Variants in RPS6KC1 observed in about 807,000 individuals in gnomAD.
RPS6KC1 encodes the protein inactive ribosomal protein S6 kinase delta-1.
A neutral mutation model predicts 103.8 loss-of-function variants in RPS6KC1; 54 were observed. The ratio of observed to expected loss-of-function variants is 0.52; its 90% confidence interval spans 0.42 to 0.65. The LOEUF (loss-of-function observed/expected upper bound fraction) is 0.65, where lower values mean the gene tolerates loss of function less well. Ranked by LOEUF, RPS6KC1 falls within the 30% of genes least tolerant of loss-of-function variation. The pLI, the probability that RPS6KC1 is intolerant of heterozygous loss-of-function variation, is 0.00. For synonymous variants in RPS6KC1, 439 were observed against 438.7 expected, an observed-to-expected ratio of 1.00 and a Z score of -0.01; for missense variants, 1,151 against 1,253.8, an observed-to-expected ratio of 0.92 and a Z score of 1.24.
At chr1:213,628,303 C>A in the RPS6KC1 span, among the ~76,000 whole-genome samples, 2 of 151,706 alleles carry the variant, frequency 1.3e-5, no homozygotes, top group East Asian at 3.9e-4. Context: ...CTATTTAATT[C>A]TTCTCTCTTT....
In RPS6KC1 at chr1:213,241,294, G is replaced by A. The variant is rs753036532; in HGVS notation, c.1818G>A (p.Lys606=). Residue 606 remains lysine (K), a synonymous_variant, in exon 11 of 15, where the codon AAG becomes AAA. Transcript: ENST00000366960. ...TGGAATTCTTTAGGATAGACAGTAA[G>A]GATAGCGCAAGTGAACTCCTGGGAC... The part of the protein sequence containing the change: ...SPMEFFRIDS[K]DSASELLGLD... 1.6e-5 allele frequency: 26 copies of A among 1,613,810 alleles called. No individual in the cohort carries two copies. Among genetic ancestry groups the A allele is most frequent in the Non-Finnish European group, 2.1e-5 (25 of 1,179,934 alleles).
chr1:213,382,128 G>A, the RPS6KC1 span, among the ~76,000 whole-genome samples: 1 of 152,148 alleles, frequency 6.6e-6, no homozygotes, highest in Non-Finnish European at 1.5e-5. Flanking sequence ...CCAGCTCCAA[G>A]CCCTGCCAGT....
At chr1:213,283,546 G>A in the RPS6KC1 span, among the ~76,000 whole-genome samples, 1 of 152,198 alleles carries the variant, frequency 6.6e-6, no homozygotes, top group South Asian at 2.1e-4. Flanking sequence ...TGTTCACTGG[G>A]AAGCTCAGTG....
chr1:213,176,049 A>T (rs922341971), intron 7 of RPS6KC1, among the ~76,000 whole-genome samples: 2 of 152,104 alleles, frequency 1.3e-5, no homozygotes, highest in African/African-American at 4.8e-5. Context: ...TAAGACTGGG[A>T]TTGATTGTTG....
chr1:213,679,078 G>C, the RPS6KC1 span, among the ~76,000 whole-genome samples: 1 of 152,286 alleles, frequency 6.6e-6, no homozygotes, highest in Non-Finnish European at 1.5e-5. Context: ...CTCTGGCCCT[G>C]GTCAGTTCAA....
chr1:213,784,975 T>TAA, the RPS6KC1 span, among the ~76,000 whole-genome samples: 1 of 151,000 alleles, frequency 6.6e-6, no homozygotes, highest in African/African-American at 2.4e-5. Flanking sequence ...TTTTCAGAAG[T>TAA]AAAAAAAAAT....
intron 2 of RPS6KC1, among the ~76,000 whole-genome samples, chr1:213,072,381 T>G (rs868852191): frequency 6.6e-6 from 1 of 152,058 alleles, no homozygotes; most frequent in South Asian, 2.1e-4. Flanking sequence ...TTAAAACAGA[T>G]ATATTTTTAT....
chr1:213,170,387 A>T (rs1208317095), intron 7 of RPS6KC1, among the ~76,000 whole-genome samples: 1 of 152,256 alleles, frequency 6.6e-6, no homozygotes, highest in Non-Finnish European at 1.5e-5. Context: ...ACATTTGATT[A>T]TACAGTAATT....
intron 8 of RPS6KC1, among the ~76,000 whole-genome samples, chr1:213,215,762 C>G (rs1344146905): frequency 6.6e-6 from 1 of 152,176 alleles, no homozygotes; most frequent in Non-Finnish European, 1.5e-5. Flanking sequence ...CCCAGAATTT[C>G]ATATCCAGCC....
At chr1:213,858,987 A>G in the RPS6KC1 span, among the ~76,000 whole-genome samples, 2 of 152,220 alleles carry the variant, frequency 1.3e-5, no homozygotes, top group East Asian at 3.9e-4. Context: ...TGGTGATGCC[A>G]AATATGCCAT....
At chr1:213,496,974 A>G in the RPS6KC1 span, among the ~76,000 whole-genome samples, 1 of 152,336 alleles carries the variant, frequency 6.6e-6, no homozygotes, top group Admixed American at 6.5e-5. Context: ...TTTATCAGCA[A>G]ACCACTTGTT....
At chr1:213,639,035 T>A in the RPS6KC1 span, among the ~76,000 whole-genome samples, 1 of 152,118 alleles carries the variant, frequency 6.6e-6, no homozygotes, top group African/African-American at 2.4e-5. Context: ...TTCATCAGCA[T>A]ACAGTTTTCA....
At chr1:213,342,951 C>G in the RPS6KC1 span, among the ~76,000 whole-genome samples, 1 of 151,962 alleles carries the variant, frequency 6.6e-6, no homozygotes, top group South Asian at 2.1e-4. Context: ...AGTTTGAGAC[C>G]AGCCTGGGCA....
In RPS6KC1 at chr1:213,240,766, C is replaced by T. The variant is rs767513861; in HGVS notation, c.1290C>T (p.Ile430=). 4 of 1,613,606 alleles carry T rather than the reference C, an allele frequency of 2.5e-6. No homozygotes were observed. Among genetic ancestry groups the T allele is most frequent in the Non-Finnish European group, 3.4e-6 (4 of 1,179,752 alleles). Residue 430 remains isoleucine, a synonymous_variant, in exon 11 of 15, where the codon ATC becomes ATT. Transcript: ENST00000366960. ...LNRSPEESFD[I]KEVKKPTLAK... ...GAAGTCCTGAAGAAAGCTTTGACAT[C>T]AAGGAAGTGAAAAAACCTACACTTG... is the stretch of plus-strand genomic sequence containing the variant.
intron 12 of RPS6KC1, among the ~76,000 whole-genome samples, chr1:213,258,028 C>G (rs1050693468): frequency 2.0e-5 from 3 of 152,020 alleles, no homozygotes; most frequent in Non-Finnish European, 2.9e-5. Flanking sequence ...GTTGCCCAGG[C>G]TGGAATGCCG....
chr1:213,545,364 T>G, the RPS6KC1 span, among the ~76,000 whole-genome samples: 1 of 133,600 alleles, frequency 7.5e-6, no homozygotes, highest in African/African-American at 2.9e-5. Context: ...AGAGTGAAAC[T>G]CTGTCTCAAA....
chr1:213,407,592 A>G, the RPS6KC1 span, among the ~76,000 whole-genome samples: 2 of 152,222 alleles, frequency 1.3e-5, no homozygotes, highest in African/African-American at 4.8e-5. Context: ...GATGCCTAAT[A>G]AACACCCTTT....
intron 6 of RPS6KC1, among the ~76,000 whole-genome samples, chr1:213,137,800 T>TATATATATATATATATA (rs1491296368): frequency 1.9e-5 from 1 of 52,354 alleles, no homozygotes; most frequent in African/African-American, 1.0e-4. Context: ...TATATATATA[T>TATATATATATATATATA]TTTTTTTTTT....
Position 213,273,958 on chromosome 1 carries a change from A to G in RPS6KC1, c.*1324A>G, listed in dbSNP as rs927881757. On this transcript the variant is annotated 3_prime_UTR_variant, in exon 15 of 15. Transcript: ENST00000366960. ...TTTTTGAGATCTGTGTGAGAGCCCA[A>G]CCCCACTCCAGGAGCATCTGTACAG... 2 of 152,174 alleles carry G rather than the reference A, an allele frequency of 1.3e-5. No homozygotes were observed. Among genetic ancestry groups the G allele is most frequent in the Non-Finnish European group, 2.9e-5 (2 of 68,032 alleles). The allele number at this position is 152,174 out of a possible 1,614,324, so 9.4% of individuals were successfully genotyped here. A position where few individuals can be genotyped will look rare whatever the true frequency, so the allele number is the denominator to read the frequency against.
Sources: gnomAD v4.1 joint callset for allele counts (sites outside exome capture counted in the v4.1 genomes callset) on GRCh38, gnomAD v4.1.1 for gene constraint, MANE v1.5 for transcripts, NCBI Gene and HGNC (gene_info 2026-07-23, HGNC 2026-07-21) for gene names.